SAFB: variants seen among roughly 807,000 people sequenced by gnomAD.
SAFB encodes the protein scaffold attachment factor B.
A neutral mutation model predicts 101.6 loss-of-function variants in SAFB; 15 were observed. That is an observed-to-expected ratio of 0.15 (90% CI 0.10 to 0.23). SAFB has a LOEUF of 0.23. Ranked by LOEUF, SAFB falls within the 10% of genes least tolerant of loss-of-function variation. The pLI, the probability that SAFB is intolerant of heterozygous loss-of-function variation, is 1.00. For missense variants in SAFB, 930 were observed against 1,104.1 expected, an observed-to-expected ratio of 0.84 and a Z score of 2.23; for synonymous variants, 449 against 407.5, an observed-to-expected ratio of 1.10 and a Z score of -1.23.
At chr19:5,656,125 G>C (rs1435317515) in intron 13 of SAFB, among the ~76,000 whole-genome samples, 1 of 152,108 alleles carries the variant, frequency 6.6e-6, no homozygotes, top group Non-Finnish European at 1.5e-5. Flanking sequence ...GGATTAAACA[G>C]CTCATCTGTT....
chr19:5,662,814 T>A (rs777174789), intron 15 of SAFB, among the ~76,000 whole-genome samples: 1 of 148,832 alleles, frequency 6.7e-6, no homozygotes, highest in Non-Finnish European at 1.5e-5. Context: ...CTAATTTTTG[T>A]TTTTTTTAGT....
Position 5,649,914 on chromosome 19 carries a change from T to G in SAFB, c.1149-12T>G, listed in dbSNP as rs929642640. 1 of 1,612,716 alleles carries G rather than the reference T, an allele frequency of 6.2e-7. No individual in the cohort carries two copies. The highest frequency in any genetic ancestry group is 1.1e-5 in the South Asian group (1 of 91,064). On this transcript the variant is annotated splice_polypyrimidine_tract_variant and intron_variant, in intron 7 of 20. Transcript: ENST00000588852. ...TGCTTCCTTGTGGAGTGACATTGTCTTTTGTCTCTAGTTCTCCCGAAGATG... is the reference window on the plus strand; with the variant it reads ...TGCTTCCTTGTGGAGTGACATTGTCGTTTGTCTCTAGTTCTCCCGAAGATG...
chr19:5,640,366 T>C (rs2145425681), intron 2 of SAFB, among the ~76,000 whole-genome samples: 1 of 142,614 alleles, frequency 7.0e-6, no homozygotes, highest in East Asian at 2.0e-4. Flanking sequence ...GGCTTTTTTT[T>C]TTTTTTTTTT....
intron 14 of SAFB, among the ~76,000 whole-genome samples, chr19:5,657,673 C>T (rs1298693542): frequency 1.3e-5 from 2 of 151,530 alleles, no homozygotes; most frequent in East Asian, 2.0e-4. Flanking sequence ...TATAGGCGTG[C>T]GCCACCACAC....
intron 13 of SAFB, among the ~76,000 whole-genome samples, chr19:5,655,459 C>CT (rs2054035901): frequency 1.8e-5 from 1 of 55,174 alleles, no homozygotes; most frequent in Non-Finnish European, 4.1e-5. Context: ...GACCCCATCT[C>CT]AAAAAAAAAA....
intron 2 of SAFB, among the ~76,000 whole-genome samples, chr19:5,637,811 T>A (rs2053626419): frequency 6.6e-6 from 1 of 152,264 alleles, no homozygotes; most frequent in Non-Finnish European, 1.5e-5. Context: ...GAAGCTGTGC[T>A]GGCAGTAGCT....
At chr19:5,640,933 T>G (rs1418250713) in intron 2 of SAFB, among the ~76,000 whole-genome samples, 1 of 60,606 alleles carries the variant, frequency 1.7e-5, no homozygotes, top group South Asian at 8.0e-4. Flanking sequence ...TTTGTTTTTC[T>G]TTTTTTTTTT....
At chr19:5,626,567 C>T in intron 2 of SAFB, 78 bp downstream of exon 2, 2 of 860,210 alleles carry the variant, frequency 2.3e-6, no homozygotes, top group Non-Finnish European at 3.9e-6. Flanking sequence ...GCCTCGTTTA[C>T]TTGTCTGTGT....
At chr19:5,638,825 G>T (rs913328317) in intron 2 of SAFB, among the ~76,000 whole-genome samples, 2 of 149,254 alleles carry the variant, frequency 1.3e-5, no homozygotes, top group Admixed American at 1.3e-4. Context: ...GGGTTCAAGC[G>T]ATTCTCCTGC....
chr19:5,664,199 C>T (rs1201847067), intron 16 of SAFB, 40 bp downstream of exon 16: 2 of 1,604,230 alleles, frequency 1.2e-6, no homozygotes, highest in African/African-American at 2.7e-5. Context: ...TTTTCTTTTT[C>T]CTGGCTCATT....
intron 8 of SAFB, among the ~76,000 whole-genome samples, chr19:5,650,525 C>T (rs1045551525): frequency 6.6e-6 from 1 of 152,168 alleles, no homozygotes; most frequent in African/African-American, 2.4e-5. Flanking sequence ...GATTCTCCTG[C>T]CTCAGCCTCC....
chr19:5,624,181 G>T (rs1238571798), intron 1 of SAFB: 1 of 149,060 alleles, frequency 6.7e-6, no homozygotes, highest in Non-Finnish European at 1.5e-5. Flanking sequence ...CTGATCTTGG[G>T]CATAGGAGAC....
intron 2 of SAFB, among the ~76,000 whole-genome samples, chr19:5,633,327 C>A (rs1381657499): frequency 6.6e-6 from 1 of 152,092 alleles, no homozygotes; most frequent in Admixed American, 6.6e-5. Flanking sequence ...CAGACAGGCT[C>A]CCCTGTCATT....
chr19:5,650,127 C>T, intron 8 of SAFB, 152 bp downstream of exon 8: 1 of 648,500 alleles, frequency 1.5e-6, no homozygotes, highest in Non-Finnish European at 2.7e-6. Flanking sequence ...GTTACCGCTA[C>T]AGGTTCTGGG....
chr19:5,624,398 C>T (rs902449090), intron 1 of SAFB, among the ~76,000 whole-genome samples: 1 of 152,164 alleles, frequency 6.6e-6, no homozygotes, highest in African/African-American at 2.4e-5. Flanking sequence ...TCCTCATTTG[C>T]AGATCGGGGG....
Position 5,641,889 on chromosome 19 carries a change from T to A in SAFB, c.489T>A (p.Ser163Arg). 1 of 1,614,124 alleles carries A rather than the reference T, an allele frequency of 6.2e-7. No homozygotes were observed. Among genetic ancestry groups the A allele is most frequent in the Non-Finnish European group, 8.5e-7 (1 of 1,180,018 alleles). Residue 163 changes from serine to arginine, a missense_variant, in exon 4 of 21, where the codon AGT becomes AGA. By Grantham distance (110) the Ser-to-Arg change is moderately radical. Transcript: ENST00000588852. ...ACCTCCAGGAGTCCCTGTCGGATAGTAGAGAGCTAGTCGAGGGGGAAATGA... is the reference window on the plus strand; with the variant it reads ...ACCTCCAGGAGTCCCTGTCGGATAGAAGAGAGCTAGTCGAGGGGGAAATGA... ...ADNLQESLSD[S>R]RELVEGEMKE...
At chr19:5,639,458 T>C (rs1470425777) in intron 2 of SAFB, among the ~76,000 whole-genome samples, 2 of 152,064 alleles carry the variant, frequency 1.3e-5, no homozygotes, top group African/African-American at 2.4e-5. Context: ...TTTGGGAGGC[T>C]GAGGCAGGTG....
intron 2 of SAFB, among the ~76,000 whole-genome samples, chr19:5,635,038 T>C (rs1038780230): frequency 1.3e-5 from 2 of 152,018 alleles, no homozygotes; most frequent in Admixed American, 1.3e-4. Flanking sequence ...CTCGGGAGGC[T>C]GAGGCAGGAG....
Position 5,649,125 on chromosome 19 carries a change from G to A in SAFB, c.774G>A (p.Glu258=). Residue 258 remains glutamate, a synonymous_variant, in exon 7 of 21, where the codon GAG becomes GAA. Coordinates refer to ENST00000588852, the MANE Select transcript of SAFB (RefSeq NM_001201338.2). ...VGPDRKLAEE[E]DLFDSAHPEE... is the part of the protein sequence containing the mutation. ...CAGACAGAAAGCTTGCGGAGGAAGA[G>A]GACCTATTTGACAGCGCCCATCCGG... is the stretch of plus-strand genomic sequence containing the variant. 1 of 421,172 alleles carries A rather than the reference G, an allele frequency of 2.4e-6. No individual in the cohort carries two copies. The highest frequency in any genetic ancestry group is 4.0e-6 in the Non-Finnish European group (1 of 251,646). The allele number at this position is 421,172 out of a possible 1,614,324, so 26.1% of individuals were successfully genotyped here.
Sources: allele counts gnomAD v4.1 joint callset (sites outside exome capture counted in the v4.1 genomes callset), GRCh38; gene constraint gnomAD v4.1.1; transcripts MANE v1.5; gene names NCBI Gene and HGNC (gene_info 2026-07-23, HGNC 2026-07-21).